SH2D4A: variants seen among roughly 807,000 people sequenced by gnomAD.
SH2D4A encodes the protein SH2 domain containing 4A.
SH2D4A carries 70 observed loss-of-function variants against 64.7 expected under a neutral mutation model. The observed-to-expected ratio is 1.08, with a 90% CI of 0.89 to 1.32. The LOEUF is 1.32. SH2D4A is among the 40% of genes most tolerant of loss of function. SH2D4A has a pLI of 0.00. For missense variants in SH2D4A, 706 were observed against 540.1 expected, an observed-to-expected ratio of 1.31 and a Z score of -3.04; for synonymous variants, 268 against 200.7, an observed-to-expected ratio of 1.34 and a Z score of -2.83.
intron 2 of SH2D4A, among the ~76,000 whole-genome samples, chr8:19,328,619 C>T (rs922522259): frequency 6.6e-6 from 1 of 152,170 alleles, no homozygotes; most frequent in Non-Finnish European, 1.5e-5. Context: ...ACTGAATACC[C>T]ACCACATGCC....
intron 8 of SH2D4A, chr8:19,375,077 CAG>C (rs960715755): frequency 2.0e-5 from 3 of 152,090 alleles, no homozygotes; most frequent in Non-Finnish European, 4.4e-5. Flanking sequence ...GCTAGGAAGA[CAG>C]AGACTAAAAA....
intron 8 of SH2D4A, among the ~76,000 whole-genome samples, chr8:19,388,362 G>T (rs921004087): frequency 6.6e-6 from 1 of 152,216 alleles, no homozygotes; most frequent in Non-Finnish European, 1.5e-5. Flanking sequence ...GAAGCACATT[G>T]AACAGTGTGG....
intron 8 of SH2D4A, among the ~76,000 whole-genome samples, chr8:19,378,713 G>A (rs567661237): frequency 2.0e-5 from 3 of 152,126 alleles, no homozygotes; most frequent in South Asian, 4.2e-4. Context: ...TGGGACAACC[G>A]TTTTTAAGTG....
intron 8 of SH2D4A, among the ~76,000 whole-genome samples, chr8:19,380,015 C>T (rs377152187): frequency 6.6e-6 from 1 of 152,188 alleles, no homozygotes; most frequent in South Asian, 2.1e-4. Context: ...AGATTACAGG[C>T]ATGAGTCACT....
chr8:19,335,758 C>A (rs1009935816), intron 4 of SH2D4A, among the ~76,000 whole-genome samples: 5 of 152,202 alleles, frequency 3.3e-5, no homozygotes, highest in African/African-American at 9.7e-5. Flanking sequence ...ACCTCCCCAA[C>A]ATAATAGAAA....
chr8:19,352,652 A>G (rs1019952240), intron 4 of SH2D4A, among the ~76,000 whole-genome samples: 1 of 152,160 alleles, frequency 6.6e-6, no homozygotes, highest in Non-Finnish European at 1.5e-5. Context: ...ACCCTGAGGA[A>G]GGAGCAGGCT....
chr8:19,319,302 A>C, intron 1 of SH2D4A, 42 bp from the exon 2 acceptor site: 1 of 1,170,810 alleles, frequency 8.5e-7, no homozygotes, highest in Non-Finnish European at 1.1e-6. Flanking sequence ...GTGTCCACAC[A>C]TTTTAACACG....
chr8:19,378,548 G>A (rs1392555650), intron 8 of SH2D4A, among the ~76,000 whole-genome samples: 1 of 152,024 alleles, frequency 6.6e-6, no homozygotes, highest in Non-Finnish European at 1.5e-5. Context: ...CAATTCTCCT[G>A]CCTCAGCCTC....
chr8:19,331,372 C>T (rs2052362991), intron 2 of SH2D4A, among the ~76,000 whole-genome samples: 1 of 152,218 alleles, frequency 6.6e-6, no homozygotes, highest in Admixed American at 6.5e-5. Flanking sequence ...GCAGTCAGCA[C>T]CACTGCTAGT....
At chr8:19,343,535 A>G (rs553529517) in intron 4 of SH2D4A, among the ~76,000 whole-genome samples, 11 of 152,302 alleles carry the variant, frequency 7.2e-5, no homozygotes, top group African/African-American at 2.4e-4. Flanking sequence ...ATGAGATAAC[A>G]TATTTGGAAA....
intron 7 of SH2D4A, among the ~76,000 whole-genome samples, chr8:19,371,183 T>G (rs1170797300): frequency 6.6e-6 from 1 of 152,202 alleles, no homozygotes; most frequent in African/African-American, 2.4e-5. Context: ...GATGATAGTA[T>G]TATAACAAAA....
intron 4 of SH2D4A, among the ~76,000 whole-genome samples, chr8:19,338,402 T>TA (rs1217882369): frequency 6.6e-6 from 1 of 152,194 alleles, no homozygotes; most frequent in East Asian, 1.9e-4. Flanking sequence ...CACGTTACTT[T>TA]ACATGGAACA....
intron 4 of SH2D4A, among the ~76,000 whole-genome samples, chr8:19,343,449 G>A (rs550949005): frequency 4.6e-5 from 7 of 151,916 alleles, no homozygotes; most frequent in African/African-American, 1.4e-4. Context: ...ACAAAAACTG[G>A]GATTTTTTAA....
Position 19,364,188 on chromosome 8 carries a change from A to G in SH2D4A, c.823A>G (p.Ser275Gly). 1 of 1,614,170 alleles carries G rather than the reference A, an allele frequency of 6.2e-7. No individual in the cohort carries two copies. The highest frequency in any genetic ancestry group is 8.5e-7 in the Non-Finnish European group (1 of 1,180,002). Residue 275 changes from serine to glycine, a missense_variant, in exon 7 of 10, where the codon AGC becomes GGC. Physicochemically the swap from Ser to Gly is moderately conservative, Grantham distance 56. Transcript: ENST00000265807. ...AGGAAGAGGCGGTGAGAGGCTGCAA[A>G]GCCCCTTGCGTGTTCCGCAGAAACC... The part of the protein sequence containing the change: ...QKGRGGERLQ[S>G]PLRVPQKPER...
At position 19,393,436 on chromosome 8, in the gene SH2D4A, C is replaced by CG. The variant is rs1563217168; in HGVS notation, c.1169dup (p.Cys391LeufsTer2). 1.2e-6 allele frequency: 2 copies of CG among 1,614,224 alleles called. No individual in the cohort carries two copies. Among genetic ancestry groups the CG allele is most frequent in the South Asian group, 2.2e-5 (2 of 91,088 alleles). ...ATGCCCTGTCCTATCTGTCGGAGGACGGCTGTAAACATTTCCTCATCGATG... is the reference window on the plus strand; with the variant it reads ...ATGCCCTGTCCTATCTGTCGGAGGACGGGCTGTAAACATTTCCTCATCGATG... On this transcript the variant is annotated frameshift_variant, in exon 9 of 10. Transcript: ENST00000265807. LOFTEE classifies it high-confidence loss of function.
chr8:19,391,072 G>A (rs755013656), intron 8 of SH2D4A, among the ~76,000 whole-genome samples: 4 of 152,112 alleles, frequency 2.6e-5, no homozygotes, highest in Non-Finnish European at 4.4e-5. Context: ...TCCTCCGGTC[G>A]TGGCTCCTTG....
intron 6 of SH2D4A, among the ~76,000 whole-genome samples, chr8:19,362,918 G>C (rs2052917071): frequency 6.6e-6 from 1 of 152,046 alleles, no homozygotes; most frequent in Non-Finnish European, 1.5e-5. Flanking sequence ...TAATGTCCTA[G>C]GTCTTAACAT....
At chr8:19,377,650 A>C (rs896538291) in intron 8 of SH2D4A, among the ~76,000 whole-genome samples, 3 of 152,138 alleles carry the variant, frequency 2.0e-5, no homozygotes, top group South Asian at 2.1e-4. Flanking sequence ...CATTTTACCT[A>C]TCATGCAGTG....
intron 9 of SH2D4A, among the ~76,000 whole-genome samples, chr8:19,393,833 A>T (rs1205512839): frequency 1.3e-5 from 2 of 152,238 alleles, no homozygotes; most frequent in African/African-American, 4.8e-5. Context: ...TATGACAGCA[A>T]TCCCCAAACT....
Sources: gnomAD v4.1 joint callset for allele counts (sites outside exome capture counted in the v4.1 genomes callset) on GRCh38, gnomAD v4.1.1 for gene constraint, MANE v1.5 for transcripts, NCBI Gene and HGNC (gene_info 2026-07-23, HGNC 2026-07-21) for gene names.